Variants in SEMA5B observed in about 807,000 individuals in gnomAD.
The protein encoded by SEMA5B is semaphorin 5B.
SEMA5B carries 66 observed loss-of-function variants against 135.0 expected under a neutral mutation model. The ratio of observed to expected loss-of-function variants is 0.49; its 90% CI spans 0.40 to 0.60. SEMA5B has a LOEUF of 0.60. SEMA5B is among the 20% of genes least tolerant of loss of function. The pLI is 0.00. For synonymous variants in SEMA5B, 690 were observed against 639.5 expected, an observed-to-expected ratio of 1.08 and a Z score of -1.19; for missense variants, 1,501 against 1,566.3, an observed-to-expected ratio of 0.96 and a Z score of 0.70.
At chr3:122,937,150 G>T (rs375314721) in intron 5 of SEMA5B, among the ~76,000 whole-genome samples, 1 of 152,196 alleles carries the variant, frequency 6.6e-6, no homozygotes, top group South Asian at 2.1e-4. Context: ...AGCTGGGCGG[G>T]GGCACCCTGG....
chr3:122,983,307 A>G (rs986580972), intron 1 of SEMA5B, among the ~76,000 whole-genome samples: 2 of 151,670 alleles, frequency 1.3e-5, no homozygotes, highest in African/African-American at 4.9e-5. Context: ...TCCTCATGTC[A>G]CTTATTTCTA....
chr3:122,990,970 A>G (rs1392155559), intron 1 of SEMA5B, among the ~76,000 whole-genome samples: 1 of 152,204 alleles, frequency 6.6e-6, no homozygotes, highest in Non-Finnish European at 1.5e-5. Flanking sequence ...GTATGTGTAC[A>G]TATATGCACA....
intron 12 of SEMA5B, 44 bp from the exon 13 acceptor site, chr3:122,915,934 G>T: frequency 1.4e-6 from 2 of 1,461,568 alleles, no homozygotes; most frequent in Non-Finnish European, 1.9e-6. Context: ...TGGCTTCCCA[G>T]CCTCACCTGC....
chr3:122,982,634 C>G (rs546769023), intron 1 of SEMA5B, among the ~76,000 whole-genome samples: 14 of 152,224 alleles, frequency 9.2e-5, no homozygotes, highest in African/African-American at 2.6e-4. Flanking sequence ...CCCCACCAAC[C>G]CTGGTCTTCC....
chr3:122,911,615 A>T (rs1484572438), intron 20 of SEMA5B, 80 bp from the exon 21 acceptor site: 1 of 1,412,292 alleles, frequency 7.1e-7, no homozygotes, highest in East Asian at 2.3e-5. Context: ...TAAGCCTGGG[A>T]GGACCTCTAG....
chr3:122,938,167 C>T (rs2107507653), intron 5 of SEMA5B, among the ~76,000 whole-genome samples: 1 of 152,318 alleles, frequency 6.6e-6, no homozygotes. Flanking sequence ...GGTACTGGGC[C>T]TGATTCACTT....
Position 122,912,886 on chromosome 3 carries a change from G to A in SEMA5B, c.2682C>T (p.Gly894=). ...EPRNGGLPCV[G]DAAEYQDCNP... ...TGCAGTCCTGGTACTCGGCAGCATC[G>A]CCCACGCAGGGCAGGCCCCCGTTGC... is the stretch of plus-strand genomic sequence containing the variant. The change falls in exon 18 of 23, where the codon GGC becomes GGT. Residue 894 remains glycine, a synonymous_variant. Transcript: ENST00000357599. 6.2e-7 allele frequency: 1 copy of A among 1,607,646 alleles called. No individual in the cohort carries two copies. The highest frequency in any genetic ancestry group is 1.1e-5 in the South Asian group (1 of 90,482).
intron 1 of SEMA5B, among the ~76,000 whole-genome samples, chr3:122,984,139 C>A (rs1006069858): frequency 1.3e-5 from 2 of 152,248 alleles, no homozygotes; most frequent in African/African-American, 4.8e-5. Context: ...TCCTTCTTCT[C>A]TTCTCCTTCA....
At chr3:122,928,192 T>C (rs770774075) in intron 7 of SEMA5B, among the ~76,000 whole-genome samples, 189 bp from the exon 8 acceptor site, 19 of 152,218 alleles carry the variant, frequency 1.2e-4, no homozygotes, top group Non-Finnish European at 2.4e-4. Context: ...GTCCTCCCAG[T>C]AGCTCCATCT....
At chr3:122,926,718 C>G (rs191596108) in intron 8 of SEMA5B, 41 bp from the exon 9 acceptor site, 2 of 1,594,198 alleles carry the variant, frequency 1.3e-6, no homozygotes, top group Admixed American at 1.7e-5. Context: ...GGCAGGCCAG[C>G]GGGGAAGAAG....
intron 1 of SEMA5B, among the ~76,000 whole-genome samples, chr3:123,026,620 G>T (rs887294645): frequency 2.0e-5 from 3 of 152,118 alleles, no homozygotes; most frequent in East Asian, 3.9e-4. Context: ...CGCCCCGCGC[G>T]GGTCCCCGAT....
intron 1 of SEMA5B, among the ~76,000 whole-genome samples, chr3:123,016,304 T>A (rs866211540): frequency 6.6e-6 from 1 of 152,222 alleles, no homozygotes; most frequent in Non-Finnish European, 1.5e-5. Context: ...GAAGATGCAG[T>A]GATCCCTAAG....
intron 1 of SEMA5B, among the ~76,000 whole-genome samples, chr3:123,022,867 C>T (rs1170214996): frequency 6.6e-6 from 1 of 152,146 alleles, no homozygotes; most frequent in Non-Finnish European, 1.5e-5. Flanking sequence ...TTTCAGAACT[C>T]GACTCTCAGC....
At chr3:122,945,784 G>A (rs1482671855) in intron 3 of SEMA5B, among the ~76,000 whole-genome samples, 1 of 151,466 alleles carries the variant, frequency 6.6e-6, no homozygotes, top group East Asian at 1.9e-4. Flanking sequence ...TTGGGGAGGA[G>A]GGGAAAAGAA....
At chr3:122,957,003 A>G (rs1940352060) in intron 2 of SEMA5B, among the ~76,000 whole-genome samples, 1 of 152,198 alleles carries the variant, frequency 6.6e-6, no homozygotes, top group African/African-American at 2.4e-5. Context: ...CAGGGGAAAG[A>G]CTTGGCTCTG....
Position 122,913,926 on chromosome 3 carries a change from C to A in SEMA5B, c.2064G>T (p.Gln688His), listed in dbSNP as rs1214897331. 6.2e-7 allele frequency: 1 copy of A among 1,612,600 alleles called. No homozygotes were observed. Among genetic ancestry groups the A allele is most frequent in the Non-Finnish European group, 8.5e-7 (1 of 1,179,916 alleles). The part of the protein sequence containing the change: ...TSCGIGFQVR[Q>H]RSCSNPAPRH... ...GGGGAGCAGGGTTGCTGCAACTTCG[C>A]TGGCGGACCTGGAAGCCGATGCCAC... Residue 688 changes from glutamine (Q) to histidine (H), a missense_variant, in exon 15 of 23, where the codon CAG becomes CAT. Transcript: ENST00000357599.
intron 1 of SEMA5B, among the ~76,000 whole-genome samples, chr3:123,019,747 G>C (rs1385421958): frequency 6.6e-6 from 1 of 152,204 alleles, no homozygotes; most frequent in Admixed American, 6.5e-5. Context: ...TGAGTGTTAT[G>C]GTTCAGGGGC....
At position 122,912,907 on chromosome 3, in the gene SEMA5B, G is replaced by C. The variant is rs1200961266; in HGVS notation, c.2661C>G (p.Asn887Lys). 2.5e-6 allele frequency: 4 copies of C among 1,611,688 alleles called. No homozygotes were observed. The highest frequency in any genetic ancestry group is 3.4e-6 in the Non-Finnish European group (4 of 1,179,048). Residue 887 changes from asparagine (N) to lysine (K), a missense_variant, in exon 18 of 23, where the codon AAC (asparagine) becomes AAG (lysine). Asn to Lys is a moderately conservative substitution (Grantham distance 94). Transcript: ENST00000357599. Reference protein sequence around the residue: ...KRTCTNPEPRNGGLPCVGDAA... With the variant: ...KRTCTNPEPRKGGLPCVGDAA... ...CATCGCCCACGCAGGGCAGGCCCCC[G>C]TTGCGGGGCTCCGGGTTAGTGCACG...
intron 5 of SEMA5B, among the ~76,000 whole-genome samples, chr3:122,932,271 G>T (rs1487077994): frequency 0.051 from 740 of 14,494 alleles, 15 homozygotes; most frequent in African/African-American, 0.1. Context: ...TTTTTTTTTT[G>T]GAGAGAAGGT....
Sources: allele counts gnomAD v4.1 joint callset (sites outside exome capture counted in the v4.1 genomes callset), GRCh38; gene constraint gnomAD v4.1.1; transcripts MANE v1.5; gene names NCBI Gene and HGNC (gene_info 2026-07-23, HGNC 2026-07-21).